NTN4: variants seen among roughly 807,000 people sequenced by gnomAD.
NTN4 encodes the protein netrin-4.
Under a neutral mutation model 73.6 loss-of-function variants are expected in NTN4, and 32 were observed. That is an observed-to-expected ratio of 0.44 (90% CI 0.33 to 0.58). The LOEUF (loss-of-function observed/expected upper bound fraction) is 0.58, where lower values mean the gene tolerates loss of function less well. NTN4 is among the 20% of genes least tolerant of loss of function. The pLI is 0.04. For synonymous variants in NTN4, 258 were observed against 287.5 expected, an observed-to-expected ratio of 0.90 and a Z score of 1.04; for missense variants, 654 against 798.3, an observed-to-expected ratio of 0.82 and a Z score of 2.18.
At chr12:95,695,117 G>A (rs895771588) in intron 5 of NTN4, among the ~76,000 whole-genome samples, 3 of 147,026 alleles carry the variant, frequency 2.0e-5, no homozygotes, top group African/African-American at 7.6e-5. Context: ...AACAGAGCGA[G>A]ACTGTCTCAA....
At chr12:95,675,437 A>G (rs2078266053) in intron 7 of NTN4, among the ~76,000 whole-genome samples, 1 of 152,100 alleles carries the variant, frequency 6.6e-6, no homozygotes, top group Non-Finnish European at 1.5e-5. Flanking sequence ...TGAATGCACA[A>G]CTTCTAAAAC....
intron 7 of NTN4, among the ~76,000 whole-genome samples, chr12:95,674,429 C>G (rs900682924): frequency 6.6e-6 from 1 of 151,806 alleles, no homozygotes; most frequent in Non-Finnish European, 1.5e-5. Flanking sequence ...ATTTGTTGAT[C>G]AGGCTTCAGC....
At chr12:95,730,000 T>C (rs189823200) in intron 3 of NTN4, among the ~76,000 whole-genome samples, 89 of 152,220 alleles carry the variant, frequency 5.8e-4, no homozygotes, top group Middle Eastern at 3.4e-3. Context: ...TATTCACAGA[T>C]GGACCCAAAA....
intron 2 of NTN4, among the ~76,000 whole-genome samples, chr12:95,773,416 C>A (rs1421060452): frequency 1.3e-5 from 2 of 152,184 alleles, no homozygotes. Flanking sequence ...AAATAATGAA[C>A]AGGATTGAAT....
chr12:95,772,677 G>A (rs1315951832), intron 2 of NTN4, among the ~76,000 whole-genome samples: 2 of 152,106 alleles, frequency 1.3e-5, no homozygotes, highest in Admixed American at 6.5e-5. Context: ...ATTCTTCCAG[G>A]TGCTCAAACT....
chr12:95,700,080 ATTTTTTTTTTTTTTTTT>A (rs56063223), intron 5 of NTN4, among the ~76,000 whole-genome samples: 28 of 41,824 alleles, frequency 6.7e-4, no homozygotes, highest in Non-Finnish European at 8.6e-4. Flanking sequence ...TAAAGTGAGG[ATTTTTTTTTTTTTTTTT>A]TTTTTTTTTT....
Position 95,710,657 on chromosome 12 carries a change from A to G in NTN4, c.992-28T>C, listed in dbSNP as rs191143584. On this transcript the variant is annotated intron_variant, in intron 4 of 9. Coordinates refer to ENST00000343702, the MANE Select transcript of NTN4 (RefSeq NM_021229.4). ...GGAAATAAGAAGCGTGGAGAGAAACACTAATAAGTAAAAATAAAATGATGG... is the reference window on the plus strand; with the variant it reads ...GGAAATAAGAAGCGTGGAGAGAAACGCTAATAAGTAAAAATAAAATGATGG... 46 of 1,594,334 alleles carry G rather than the reference A, an allele frequency of 2.9e-5. No individual in the cohort carries two copies. The African/African-American group carries it at 5.2e-4, about 18-fold the overall frequency.
At chr12:95,700,029 A>G (rs191979395) in intron 5 of NTN4, among the ~76,000 whole-genome samples, 1 of 147,588 alleles carries the variant, frequency 6.8e-6, no homozygotes, top group East Asian at 2.0e-4. Flanking sequence ...TCTGTTCTAC[A>G]GGCATTTCTT....
intron 2 of NTN4, among the ~76,000 whole-genome samples, chr12:95,751,787 AG>A (rs1277551847): frequency 1.4e-5 from 2 of 138,080 alleles, no homozygotes; most frequent in East Asian, 2.1e-4. Flanking sequence ...CTTCTTTTCA[AG>A]GGCCTGTTTC....
intron 2 of NTN4, among the ~76,000 whole-genome samples, chr12:95,769,951 T>A (rs781156161): frequency 2.4e-4 from 37 of 152,130 alleles, no homozygotes; most frequent in Non-Finnish European, 4.6e-4. Flanking sequence ...GAGGCGGGGT[T>A]TCAGCACATT....
chr12:95,743,407 C>T (rs528080440), intron 2 of NTN4, among the ~76,000 whole-genome samples: 55 of 152,254 alleles, frequency 3.6e-4, no homozygotes, highest in Non-Finnish European at 7.2e-4. Context: ...ATTGATTTGA[C>T]TTTTTAAAAA....
At chr12:95,731,243 A>G (rs917446565) in intron 3 of NTN4, among the ~76,000 whole-genome samples, 1 of 152,164 alleles carries the variant, frequency 6.6e-6, no homozygotes, top group Non-Finnish European at 1.5e-5. Context: ...AGATGGAGTG[A>G]AATAATGCAG....
intron 2 of NTN4, among the ~76,000 whole-genome samples, chr12:95,771,210 C>T (rs937120408): frequency 6.6e-6 from 1 of 151,948 alleles, no homozygotes; most frequent in African/African-American, 2.4e-5. Context: ...AGGATGGTCT[C>T]GATCTCCTGA....
Position 95,665,729 on chromosome 12 carries a change from G to A in NTN4, c.1750+81C>T, listed in dbSNP as rs933788654. 3.1e-5 allele frequency: 34 copies of A among 1,089,344 alleles called. No homozygotes were observed. In the Admixed American group the frequency reaches 8.4e-4, roughly 27 times the overall value. 67.5% of individuals were successfully genotyped at this position (1,089,344 alleles called of 1,614,324 possible). On this transcript the variant is annotated intron_variant, in intron 9 of 9. Transcript: ENST00000343702. The stretch of plus-strand genomic sequence containing the variant: ...AGATGTTCTTGCTGAGTTTGTTTAT[G>A]TTGTGCTTCAGAGGATGTAAGACAA...
intron 2 of NTN4, among the ~76,000 whole-genome samples, chr12:95,756,517 G>A (rs752987428): frequency 5.9e-5 from 9 of 152,030 alleles, no homozygotes; most frequent in East Asian, 1.9e-4. Flanking sequence ...AGTACAGCTC[G>A]GTGACTAGGA....
chr12:95,740,759 C>T, intron 2 of NTN4, among the ~76,000 whole-genome samples: 1 of 152,148 alleles, frequency 6.6e-6, no homozygotes, highest in Non-Finnish European at 1.5e-5. Context: ...ATATAAAATA[C>T]AACATAAACA....
At chr12:95,715,005 T>C (rs898992876) in intron 3 of NTN4, among the ~76,000 whole-genome samples, 2 of 152,106 alleles carry the variant, frequency 1.3e-5, no homozygotes, top group African/African-American at 4.8e-5. Context: ...AAGTAACTTG[T>C]GTCATCTCAT....
chr12:95,736,250 T>C (rs931499398), intron 3 of NTN4, among the ~76,000 whole-genome samples: 3 of 152,208 alleles, frequency 2.0e-5, no homozygotes, highest in Middle Eastern at 3.4e-3. Context: ...CCTGAAGTTT[T>C]TATAAGGCCC....
At chr12:95,708,965 A>T (rs973689754) in intron 5 of NTN4, among the ~76,000 whole-genome samples, 6 of 152,190 alleles carry the variant, frequency 3.9e-5, no homozygotes, top group Non-Finnish European at 8.8e-5. Context: ...GAGCAGGAGT[A>T]AAACAGGATG....
Sources: gnomAD v4.1 joint callset for allele counts (sites outside exome capture counted in the v4.1 genomes callset) on GRCh38, gnomAD v4.1.1 for gene constraint, MANE v1.5 for transcripts, NCBI Gene and HGNC (gene_info 2026-07-23, HGNC 2026-07-21) for gene names.